Variants in PDE1C observed in about 807,000 individuals in gnomAD.
PDE1C encodes phosphodiesterase 1C, also known as dual specificity calcium/calmodulin-dependent 3',5'-cyclic nucleotide phosphodiesterase 1C.
A neutral mutation model predicts 93.1 loss-of-function variants in PDE1C; 62 were observed. The ratio of observed to expected loss-of-function variants is 0.67; its 90% CI spans 0.54 to 0.82. The LOEUF (loss-of-function observed/expected upper bound fraction) is 0.82. PDE1C is among the 40% of genes least tolerant of loss of function. The pLI is 0.00. For synonymous variants in PDE1C, 325 were observed against 310.1 expected (o/e 1.05, Z -0.50); for missense variants, 742 against 884.6 (o/e 0.84, Z 2.04).
chr7:31,785,071 T>G (rs1023579076), intron 16 of PDE1C: 2 of 152,198 alleles, frequency 1.3e-5, no homozygotes, highest in Non-Finnish European at 2.9e-5. Context: ...CATGGGGTTT[T>G]AATGGGCTTT....
the PDE1C span, among the ~76,000 whole-genome samples, chr7:31,741,608 A>C: frequency 7.9e-5 from 12 of 152,164 alleles, no homozygotes; most frequent in Non-Finnish European, 1.3e-4. Context: ...TCTTCTTTAG[A>C]CTTCTAACAA....
chr7:31,919,207 G>T (rs185280815), intron 2 of PDE1C, among the ~76,000 whole-genome samples: 54 of 152,278 alleles, frequency 3.5e-4, no homozygotes, highest in African/African-American at 1.2e-3. Flanking sequence ...GACAGTACAA[G>T]CATATCAAAT....
intron 2 of PDE1C, among the ~76,000 whole-genome samples, chr7:31,952,112 T>C (rs73310519): frequency 6.6e-6 from 1 of 152,006 alleles, no homozygotes; most frequent in Admixed American, 6.6e-5. Flanking sequence ...ACTCCCCCAG[T>C]ATCATACATG....
At position 32,394,775 on chromosome 7, in the gene PDE1C, C is replaced by T. The variant is rs1379279656; in HGVS notation, c.310+33047G>A. Reference sequence around the variant, plus strand: ...ACTGCAGTGAACCATGATCATGCCACTGCACTCCAGCCTGGGTGACAGAGC... The same window carrying T: ...ACTGCAGTGAACCATGATCATGCCATTGCACTCCAGCCTGGGTGACAGAGC... On this transcript the variant is annotated intron_variant, in intron 1 of 1. Transcript: ENST00000672256. Among the ~76,000 whole-genome samples, 13 of 152,302 alleles carry T rather than the reference C, an allele frequency of 8.5e-5. No homozygotes were observed. The East Asian group carries it at 2.5e-3, about 29-fold the overall frequency.
chr7:32,162,509 G>C (rs1322066399), intron 3 of PDE1C, among the ~76,000 whole-genome samples: 1 of 152,134 alleles, frequency 6.6e-6, no homozygotes, highest in African/African-American at 2.4e-5. Context: ...ATCAGACCTG[G>C]ATGCAGGTCT....
At chr7:31,652,157 G>A in the PDE1C span, 1 of 855,358 alleles carries the variant, frequency 1.2e-6, no homozygotes. Context: ...AGGTTTACAT[G>A]CCAACACCTT....
At chr7:32,008,500 A>G (rs1786583332) in intron 2 of PDE1C, among the ~76,000 whole-genome samples, 1 of 152,192 alleles carries the variant, frequency 6.6e-6, no homozygotes. Flanking sequence ...CTTGGTCCCT[A>G]CTACTGGGTT....
At chr7:31,672,548 G>A in the PDE1C span, among the ~76,000 whole-genome samples, 2 of 151,590 alleles carry the variant, frequency 1.3e-5, no homozygotes, top group African/African-American at 4.9e-5. Context: ...GACCTTCTCT[G>A]ATTTCTTTTT....
chr7:32,119,710 G>C (rs537730956), intron 3 of PDE1C, among the ~76,000 whole-genome samples: 1 of 152,252 alleles, frequency 6.6e-6, no homozygotes, highest in Non-Finnish European at 1.5e-5. Flanking sequence ...CCACCCCCTA[G>C]CCAAGGCCGG....
intron 1 of PDE1C, among the ~76,000 whole-genome samples, chr7:32,364,563 C>A (rs1402871980): frequency 6.6e-6 from 1 of 152,238 alleles, no homozygotes; most frequent in Non-Finnish European, 1.5e-5. Context: ...GCCCTTACTA[C>A]CAGAGAATCC....
chr7:32,387,379 G>A (rs1784649512), intron 1 of PDE1C, among the ~76,000 whole-genome samples: 2 of 151,590 alleles, frequency 1.3e-5, no homozygotes, highest in Non-Finnish European at 2.9e-5. Flanking sequence ...CATCCCCAAT[G>A]AGCCGCTGGG....
At chr7:31,922,978 T>G (rs1802824730) in intron 2 of PDE1C, among the ~76,000 whole-genome samples, 1 of 152,206 alleles carries the variant, frequency 6.6e-6, no homozygotes, top group Admixed American at 6.5e-5. Context: ...AAGATGTTTC[T>G]GTCAGCTTGG....
the PDE1C span, among the ~76,000 whole-genome samples, chr7:31,704,800 T>A: frequency 0.038 from 5,775 of 152,282 alleles, 389 homozygotes; most frequent in African/African-American, 0.13. Context: ...GGCAAAGCTT[T>A]CTGGCTTCAG....
At chr7:31,855,792 GAA>G (rs763753026) in intron 7 of PDE1C, among the ~76,000 whole-genome samples, 2,336 of 116,792 alleles carry the variant, frequency 0.02, 52 homozygotes, top group African/African-American at 0.067. Flanking sequence ...CTCCTTTCTG[GAA>G]AAAAAAAAAA....
chr7:32,402,453 G>A (rs1784965716), intron 1 of PDE1C, among the ~76,000 whole-genome samples: 1 of 152,086 alleles, frequency 6.6e-6, no homozygotes, highest in South Asian at 2.1e-4. Context: ...TGATTTTCAA[G>A]GGCAAGCAGA....
At chr7:32,115,349 T>A (rs1798930614) in intron 3 of PDE1C, among the ~76,000 whole-genome samples, 1 of 152,162 alleles carries the variant, frequency 6.6e-6, no homozygotes, top group African/African-American at 2.4e-5. Flanking sequence ...GTCATCATCC[T>A]CAGCAAACTA....
chr7:31,826,686 C>T (rs17160587), intron 12 of PDE1C, among the ~76,000 whole-genome samples: 11,367 of 152,186 alleles, frequency 0.075, 942 homozygotes, highest in African/African-American at 0.2. Flanking sequence ...CCCGTTACTA[C>T]CTTAGTTCTG....
At chr7:32,162,768 G>A (rs542132940) in intron 3 of PDE1C, among the ~76,000 whole-genome samples, 98 of 152,126 alleles carry the variant, frequency 6.4e-4, no homozygotes, top group African/African-American at 2.2e-3. Flanking sequence ...AAGCTAGGAG[G>A]CCATGCGTCA....
At chr7:31,881,098 C>G (rs925560573) in intron 2 of PDE1C, among the ~76,000 whole-genome samples, 1 of 152,170 alleles carries the variant, frequency 6.6e-6, no homozygotes, top group Non-Finnish European at 1.5e-5. Flanking sequence ...TTCTAGCTAG[C>G]TTTTATCTTT....
Sources: allele counts gnomAD v4.1 joint callset (sites outside exome capture counted in the v4.1 genomes callset), GRCh38; gene constraint gnomAD v4.1.1; transcripts MANE v1.5; gene names NCBI Gene and HGNC (gene_info 2026-07-23, HGNC 2026-07-21).